Variants in COMMD4 observed in about 807,000 individuals in gnomAD.
COMMD4 encodes COMM domain containing 4, also known as COMM domain-containing protein 4.
Under a neutral mutation model 27.5 loss-of-function variants are expected in COMMD4, and 18 were observed. The ratio of observed to expected loss-of-function variants is 0.65; its 90% CI spans 0.45 to 0.97. COMMD4 has a LOEUF of 0.97. COMMD4 is among the 50% of genes least tolerant of loss of function. The pLI is 0.00. For synonymous variants in COMMD4, 108 were observed against 108.4 expected, an observed-to-expected ratio of 1.00 and a Z score of 0.02; for missense variants, 243 against 250.0, an observed-to-expected ratio of 0.97 and a Z score of 0.19.
chr15:75,340,142 C>T lies in COMMD4; in HGVS notation c.*137C>T. 1.0e-6 allele frequency: 1 copy of T among 970,182 alleles called. No individual in the cohort carries two copies. Among genetic ancestry groups the T allele is most frequent in the Non-Finnish European group, 1.5e-6 (1 of 658,802 alleles). 60.1% of individuals were successfully genotyped at this position (970,182 alleles called of 1,614,324 possible). On this transcript the variant is annotated 3_prime_UTR_variant, in exon 8 of 8. Transcript: ENST00000267935. Reference sequence around the variant, plus strand: ...GGACTCTGGCCTCCCAGATCCCCAGCTGCCTCACTTCTCTCTTGAGAACTT... The same window carrying T: ...GGACTCTGGCCTCCCAGATCCCCAGTTGCCTCACTTCTCTCTTGAGAACTT...
chr15:75,338,892 G>A, intron 4 of COMMD4, 93 bp from the exon 5 acceptor site: 2 of 1,603,764 alleles, frequency 1.2e-6, no homozygotes, highest in Non-Finnish European at 1.7e-6. Context: ...GTGGCTCCAG[G>A]AGGCCTGGGG....
At chr15:75,339,919 A>G in intron 7 of COMMD4, 41 bp downstream of exon 7, 2 of 1,614,018 alleles carry the variant, frequency 1.2e-6, no homozygotes. Context: ...AGGCTCTCCC[A>G]GATCCGCCTG....
chr15:75,338,973 CG>C lies in COMMD4; in HGVS notation c.182-9del, dbSNP rs1595839986. The C allele has an allele frequency of 6.2e-7, 1 of 1,613,808 alleles. No individual in the cohort carries two copies. Among genetic ancestry groups the C allele is most frequent in the Non-Finnish European group, 8.5e-7 (1 of 1,179,864 alleles). On this transcript the variant is annotated splice_polypyrimidine_tract_variant and intron_variant, in intron 4 of 7. Coordinates refer to ENST00000267935, the MANE Select transcript of COMMD4 (RefSeq NM_017828.5). The stretch of plus-strand genomic sequence containing the variant: ...ACAGTGACACCCCCTGCCCCACCCA[CG>C]GGTCCCTCAGAGTCAGGCGATGTGA...
At chr15:75,338,785 A>G in intron 4 of COMMD4, 100 bp downstream of exon 4, 5 of 1,449,094 alleles carry the variant, frequency 3.5e-6, no homozygotes, top group Non-Finnish European at 4.8e-6. Flanking sequence ...AGCATCCTTA[A>G]CTTACCTTCC....
intron 1 of COMMD4, 129 bp from the exon 2 acceptor site, chr15:75,337,933 G>A (rs2071270824): frequency 5.5e-6 from 5 of 906,010 alleles, no homozygotes; most frequent in South Asian, 5.1e-5. Flanking sequence ...GGGAGAACAA[G>A]AGGCCAGAGG....
chr15:75,342,766 A>C (rs150351674), downstream of COMMD4: 4 of 152,308 alleles, frequency 2.6e-5, no homozygotes, highest in East Asian at 7.7e-4. Context: ...CATCACAAAG[A>C]AATAAATATT....
intron 1 of COMMD4, chr15:75,337,789 T>TA (rs34040551): frequency 0.2 from 98,457 of 486,074 alleles, 12,329 homozygotes; most frequent in Non-Finnish European, 0.26. Context: ...CCCCAGCACT[T>TA]AGAGTGGGAG....
intron 1 of COMMD4, 77 bp downstream of exon 1, chr15:75,336,169 G>C (rs1407425136): frequency 5.2e-6 from 8 of 1,549,368 alleles, no homozygotes; most frequent in Non-Finnish European, 7.0e-6. Context: ...CCGGAAACTG[G>C]GGGAGGTTGT....
In COMMD4 at chr15:75,339,984, C is replaced by A. The variant is rs1418132548; in HGVS notation, c.579C>A (p.Thr193=). 1 of 1,614,126 alleles carries A rather than the reference C, an allele frequency of 6.2e-7. No individual in the cohort carries two copies. Among genetic ancestry groups the A allele is most frequent in the African/African-American group, 1.3e-5 (1 of 75,050 alleles). Residue 193 remains threonine, a synonymous_variant, in exon 8 of 8, where the codon ACC becomes ACA. Transcript: ENST00000267935. ...VLLAELKQAQ[T]LMSSLG ...CTGCAGAACTGAAGCAGGCCCAGAC[C>A]CTGATGAGCTCCCTGGGCTGAGGAG...
Position 75,340,203 on chromosome 15 carries a change from C to T in COMMD4, c.*198C>T, listed in dbSNP as rs977317629. ...TCCTGAGGACCTTTCCCAGCATTAC[C>T]TTCCCTTCCCTTGAAAGGCAATTGT... On this transcript the variant is annotated 3_prime_UTR_variant, in exon 8 of 8. Transcript: ENST00000267935. 2 of 592,782 alleles carry T rather than the reference C, an allele frequency of 3.4e-6. No individual in the cohort carries two copies. The highest frequency in any genetic ancestry group is 2.8e-5 in the East Asian group (1 of 36,108). 36.7% of individuals were successfully genotyped at this position (592,782 alleles called of 1,614,324 possible). A position where few individuals can be genotyped will look rare whatever the true frequency, so the allele number is the denominator to read the frequency against.
At position 75,339,048 on chromosome 15, in the gene COMMD4, A is replaced by G; in HGVS notation, c.245A>G (p.His82Arg). 6.2e-7 allele frequency: 1 copy of G among 1,613,880 alleles called. No homozygotes were observed. The highest frequency in any genetic ancestry group is 8.5e-7 in the Non-Finnish European group (1 of 1,179,906). ...TTCATCCTCTCCAGTGCGGCCAAGC[A>G]CAGTGTCGATGGCGAATCCTTGTCC... The part of the protein sequence containing the change: ...LSFILSSAAK[H>R]SVDGESLSSE... The change falls in exon 5 of 8, where the codon CAC becomes CGC. Residue 82 changes from histidine to arginine, a missense_variant. Physicochemically the swap from His to Arg is conservative, Grantham distance 29 (BLOSUM62 0). Transcript: ENST00000267935.
Position 75,338,147 on chromosome 15 carries a change from G to C in COMMD4, c.75+14G>C, listed in dbSNP as rs565271771. 5.0e-6 allele frequency: 8 copies of C among 1,591,954 alleles called. No homozygotes were observed. In the South Asian group the frequency reaches 9.1e-5, roughly 18 times the overall value. ...CTGGCCAAGATGGTTGAGTGCACAG[G>C]GTCTAGTCTGGGTGGAGGAGGGGTG... On this transcript the variant is annotated intron_variant, in intron 2 of 7. Transcript: ENST00000267935.
At chr15:75,338,844 G>A (rs1354457637) in intron 4 of COMMD4, 141 bp from the exon 5 acceptor site, 2 of 1,463,478 alleles carry the variant, frequency 1.4e-6, no homozygotes, top group African/African-American at 1.4e-5. Flanking sequence ...CCACCTTCCT[G>A]TCCTCTGCCA....
intron 4 of COMMD4, 26 bp from the exon 5 acceptor site, chr15:75,338,959 C>A: frequency 6.2e-7 from 1 of 1,613,864 alleles, no homozygotes; most frequent in Non-Finnish European, 8.5e-7. Context: ...CAGTGACACC[C>A]CCTGCCCCAC....
At position 75,339,763 on chromosome 15, in the gene COMMD4, A is replaced by G. The variant is rs2071382134; in HGVS notation, c.444A>G (p.Gln148=). 2 of 1,613,836 alleles carry G rather than the reference A, an allele frequency of 1.2e-6. No individual in the cohort carries two copies. The highest frequency in any genetic ancestry group is 1.3e-5 in the African/African-American group (1 of 74,922). The change falls in exon 7 of 8, where the codon CAA becomes CAG. Residue 148 remains glutamine, a synonymous_variant. Coordinates refer to ENST00000267935, the MANE Select transcript of COMMD4 (RefSeq NM_017828.5). The part of the protein sequence containing the change: ...VDYTLSSSLL[Q]SVEEPMVHLR... ...ACACCCTGAGCTCCAGCCTGCTGCA[A>G]TCCGTGGAAGAGCCCATGGTGCACC...
chr15:75,338,588 G>A, intron 3 of COMMD4, 58 bp from the exon 4 acceptor site: 3 of 1,603,570 alleles, frequency 1.9e-6, no homozygotes, highest in Non-Finnish European at 2.6e-6. Flanking sequence ...TCCAGGCTGG[G>A]GGTGAGGGGC....
chr15:75,342,885 C>G (rs2071439023), downstream of COMMD4: 1 of 152,228 alleles, frequency 6.6e-6, no homozygotes, highest in Non-Finnish European at 1.5e-5. Flanking sequence ...GTGGCGTGAT[C>G]TTGGCTCACT....
intron 1 of COMMD4, chr15:75,337,347 C>G (rs1271673897): frequency 6.6e-6 from 1 of 152,368 alleles, no homozygotes; most frequent in Non-Finnish European, 1.5e-5. Flanking sequence ...AATCCCAGCA[C>G]TTTGGGAGGC....
At chr15:75,342,592 T>C (rs2141302540), downstream of COMMD4, 1 of 151,864 alleles carries the variant, frequency 6.6e-6, no homozygotes, top group Middle Eastern at 3.4e-3. Context: ...TAGCAGAGGC[T>C]GGAGGAGAGA....
Sources: allele counts gnomAD v4.1 joint callset, GRCh38; gene constraint gnomAD v4.1.1; transcripts MANE v1.5; gene names NCBI Gene and HGNC (gene_info 2026-07-23, HGNC 2026-07-21).